Variants in DOCK8 observed in about 807,000 individuals in gnomAD.
DOCK8 encodes dedicator of cytokinesis protein 8.
In DOCK8, 141 loss-of-function variants were observed where a neutral mutation model predicts 245.6. That is an observed-to-expected ratio of 0.57 (90% CI 0.50 to 0.66). The LOEUF is 0.66. Ranked by LOEUF, DOCK8 falls within the 30% of genes least tolerant of loss-of-function variation. DOCK8 has a pLI of 0.00. For synonymous variants in DOCK8, 1,168 were observed against 970.2 expected (o/e 1.20, Z -3.79); for missense variants, 2,965 against 2,603.4 (o/e 1.14, Z -3.02).
intron 9 of DOCK8, among the ~76,000 whole-genome samples, chr9:329,231 C>T (rs960358008): frequency 6.6e-6 from 1 of 152,072 alleles, no homozygotes; most frequent in South Asian, 2.1e-4. Context: ...GGATTACAGG[C>T]GTGAGCCACT....
chr9:407,169 C>T (rs542168566), intron 28 of DOCK8, 100 bp downstream of exon 28: 4 of 1,537,120 alleles, frequency 2.6e-6, no homozygotes, highest in Non-Finnish European at 3.6e-6. Flanking sequence ...AAAAACTCTA[C>T]TGTAGTTGAC....
chr9:308,893 A>G (rs768871656), intron 5 of DOCK8, among the ~76,000 whole-genome samples: 3 of 152,160 alleles, frequency 2.0e-5, no homozygotes, highest in Non-Finnish European at 4.4e-5. Flanking sequence ...TCCTGACCTC[A>G]TGATCCCCCG....
chr9:358,445 G>A (rs2052554962), intron 14 of DOCK8, among the ~76,000 whole-genome samples: 1 of 152,098 alleles, frequency 6.6e-6, no homozygotes, highest in South Asian at 2.1e-4. Flanking sequence ...ATATAACAAG[G>A]TATAAAATTT....
chr9:435,123 G>A, intron 39 of DOCK8, 148 bp downstream of exon 39: 4 of 900,710 alleles, frequency 4.4e-6, no homozygotes, highest in Non-Finnish European at 7.0e-6. Flanking sequence ...GCATCTGACT[G>A]GTAGAAGCCA....
rs2130594466 is a variant in DOCK8, at chr9:304,672, G to C, written c.496G>C (p.Glu166Gln). 4 of 1,614,168 alleles carry C rather than the reference G, an allele frequency of 2.5e-6. No homozygotes were observed. The highest frequency in any genetic ancestry group is 1.6e-4 in the Middle Eastern group (1 of 6,062). ...KTLPKQTFES[E>Q]TLECSEPAAQ... ...GCTTCCGAAACAGACGTTTGAGTCG[G>C]AAACCTTGGAGTGCAGTGAACCCGC... Residue 166 changes from glutamate to glutamine, a missense_variant, in exon 5 of 48, where the codon GAA becomes CAA. By Grantham distance (29) the Glu-to-Gln change is conservative. Transcript: ENST00000432829.
At chr9:284,762 A>G (rs2048740533) in intron 2 of DOCK8, among the ~76,000 whole-genome samples, 1 of 152,240 alleles carries the variant, frequency 6.6e-6, no homozygotes, top group Non-Finnish European at 1.5e-5. Flanking sequence ...CTATGCAGCC[A>G]TAAAAATAAT....
intron 32 of DOCK8, 144 bp downstream of exon 32, chr9:421,222 G>C: frequency 8.7e-7 from 1 of 1,154,126 alleles, no homozygotes; most frequent in Non-Finnish European, 1.3e-6. Context: ...CTGGGAGTCT[G>C]TGTGTGACAT....
intron 31 of DOCK8, 48 bp downstream of exon 31, chr9:420,631 G>A (rs374923626): frequency 3.7e-6 from 6 of 1,608,898 alleles, no homozygotes; most frequent in Non-Finnish European, 4.3e-6. Context: ...TCTCTCAATT[G>A]CAATTCTGTC....
At chr9:385,217 G>C (rs190210206) in intron 22 of DOCK8, among the ~76,000 whole-genome samples, 2 of 152,192 alleles carry the variant, frequency 1.3e-5, no homozygotes, top group Non-Finnish European at 2.9e-5. Context: ...TGGTATGCTA[G>C]ATTGTATCCT....
intron 2 of DOCK8, among the ~76,000 whole-genome samples, chr9:278,669 G>A (rs1210645968): frequency 2.0e-5 from 3 of 152,130 alleles, no homozygotes; most frequent in Non-Finnish European, 4.4e-5. Flanking sequence ...TGAACTTGAC[G>A]GACATCTGAA....
rs550822924 is a variant in DOCK8 at position 274,590 on chromosome 9, C to T, written c.156+2861C>T. ...GTCAGAATGAAGTGGCTGTTCTTCC[C>T]CTTGAGTCATCGTCCCGAATGAAGG... On this transcript the variant is annotated intron_variant, in intron 2 of 47. Transcript: ENST00000432829. 3.7e-3 allele frequency among the ~76,000 whole-genome samples: 566 copies of T among 151,548 alleles called. 4 individuals are homozygous for T. The highest frequency in any genetic ancestry group is 6.8e-3 in the Non-Finnish European group (464 of 67,912).
In DOCK8 at chr9:386,314, T is replaced by C. The variant is rs772668032; in HGVS notation, c.2779-17T>C. Reference sequence around the variant, plus strand: ...CCATGGTTGGTTGACTGTTAAGCCATGGTTTGTGTATTTTAGATCGCCGAT... The same window carrying C: ...CCATGGTTGGTTGACTGTTAAGCCACGGTTTGTGTATTTTAGATCGCCGAT... On this transcript the variant is annotated splice_polypyrimidine_tract_variant and intron_variant, in intron 22 of 47. Coordinates refer to ENST00000432829, the MANE Select transcript of DOCK8 (RefSeq NM_203447.4). 3 of 1,609,454 alleles carry C rather than the reference T, an allele frequency of 1.9e-6. No individual in the cohort carries two copies. Among genetic ancestry groups the C allele is most frequent in the Non-Finnish European group, 2.6e-6 (3 of 1,176,166 alleles).
At chr9:351,777 T>G (rs536897551) in intron 14 of DOCK8, among the ~76,000 whole-genome samples, 54 of 152,300 alleles carry the variant, frequency 3.5e-4, no homozygotes, top group South Asian at 3.1e-3. Context: ...GCTTTCTGGT[T>G]AAAGATGTCA....
At chr9:340,891 A>G (rs1428981016) in intron 14 of DOCK8, among the ~76,000 whole-genome samples, 1 of 152,238 alleles carries the variant, frequency 6.6e-6, no homozygotes, top group Non-Finnish European at 1.5e-5. Context: ...GAGATTAAAA[A>G]AAAAATCTGC....
At chr9:387,163 G>T (rs1451984179) in intron 23 of DOCK8, among the ~76,000 whole-genome samples, 1 of 152,114 alleles carries the variant, frequency 6.6e-6, no homozygotes, top group Admixed American at 6.5e-5. Context: ...TGTAAATATG[G>T]CAGGGCACAG....
chr9:332,469 TG>T lies in DOCK8; in HGVS notation c.1118del (p.Gly373ValfsTer11). On this transcript the variant is annotated frameshift_variant, in exon 10 of 48. Transcript: ENST00000432829. LOFTEE classifies it high-confidence loss of function. ...EPYTVIKESD[G>X]GKSKEKIEKL... ...CCTACACGGTTATCAAAGAAAGTGA[TG>T]GTGGAAAGGTATGGTAATTTGAGTG... The T allele has an allele frequency of 6.2e-7, 1 of 1,610,906 alleles. No homozygotes were observed. The highest frequency in any genetic ancestry group is 8.5e-7 in the Non-Finnish European group (1 of 1,177,164).
chr9:461,416 A>T (rs1485338236), intron 46 of DOCK8, among the ~76,000 whole-genome samples: 2 of 151,032 alleles, frequency 1.3e-5, no homozygotes, highest in Admixed American at 1.3e-4. Flanking sequence ...TATTTTTTAA[A>T]TCTCATTGGT....
chr9:360,845 A>G (rs2052694166), intron 14 of DOCK8, among the ~76,000 whole-genome samples: 3 of 152,126 alleles, frequency 2.0e-5, no homozygotes, highest in Admixed American at 2.0e-4. Context: ...ATGGAGCGGG[A>G]GGAATGGAGT....
In DOCK8 at chr9:404,960, A is replaced by T. The variant is rs766746803; in HGVS notation, c.3277A>T (p.Arg1093Trp). ...TAACCTTCCAACGCTCATTTCCATG[A>T]GGCTAGAGTTCCTGAGAATCCTCTG... is the stretch of plus-strand genomic sequence containing the variant. ...LSNLPTLISMRLEFLRILCSH... is the reference protein window; with the variant it reads ...LSNLPTLISMWLEFLRILCSH... Residue 1093 changes from arginine to tryptophan, a missense_variant, in exon 27 of 48, where the codon AGG (arginine) becomes TGG (tryptophan). This residue lies in a region of DOCK8 where 2,825 missense variants were observed against 2,453.5 expected (regional missense o/e 1.15). Transcript: ENST00000432829. 6.2e-7 allele frequency: 1 copy of T among 1,614,096 alleles called. No homozygotes were observed. The highest frequency in any genetic ancestry group is 8.5e-7 in the Non-Finnish European group (1 of 1,180,016).
Sources: allele counts gnomAD v4.1 joint callset (sites outside exome capture counted in the v4.1 genomes callset), GRCh38; gene constraint gnomAD v4.1.1; regional missense constraint gnomAD v4.1.1; transcripts MANE v1.5; gene names NCBI Gene and HGNC (gene_info 2026-07-23, HGNC 2026-07-21).